Variants in EGFLAM observed in about 807,000 individuals in gnomAD.
The protein encoded by EGFLAM is EGF like, fibronectin type III and laminin G domains.
Under a neutral mutation model 113.1 loss-of-function variants are expected in EGFLAM, and 79 were observed. That is an observed-to-expected ratio of 0.70 (90% CI 0.58 to 0.84). The LOEUF (loss-of-function observed/expected upper bound fraction) is 0.84, where lower values mean the gene tolerates loss of function less well. Ranked by LOEUF, EGFLAM falls within the 40% of genes least tolerant of loss-of-function variation. The probability of loss-of-function intolerance (pLI) is 0.00; values close to 1 mark genes in which losing one functional copy is unlikely to be tolerated. For missense variants in EGFLAM, 1,265 were observed against 1,291.6 expected, an observed-to-expected ratio of 0.98 and a Z score of 0.32; for synonymous variants, 504 against 487.6, an observed-to-expected ratio of 1.03 and a Z score of -0.44.
chr5:38,407,841 C>A lies in EGFLAM; in HGVS notation c.1184C>A (p.Ser395Tyr). The change falls in exon 9 of 22, where the codon TCC becomes TAC. Residue 395 changes from serine (S) to tyrosine (Y), a missense_variant. Coordinates refer to ENST00000322350, the MANE Select transcript of EGFLAM (RefSeq NM_152403.4). ...VIQYPQFFGH[S>Y]YVTFEPLKNS... ...CAGTATCCTCAGTTCTTTGGCCACTCCTATGTAACGTTTGAACCTCTGAAG... is the reference window on the plus strand; with the variant it reads ...CAGTATCCTCAGTTCTTTGGCCACTACTATGTAACGTTTGAACCTCTGAAG... 1 of 1,613,800 alleles carries A rather than the reference C, an allele frequency of 6.2e-7. No homozygotes were observed. Among genetic ancestry groups the A allele is most frequent in the Non-Finnish European group, 8.5e-7 (1 of 1,179,756 alleles).
chr5:38,324,707 G>A (rs1268797213), intron 1 of EGFLAM, among the ~76,000 whole-genome samples: 2 of 152,188 alleles, frequency 1.3e-5, no homozygotes, highest in African/African-American at 4.8e-5. Flanking sequence ...AAAAGAGGCT[G>A]CAGAAGCTGT....
intron 17 of EGFLAM, among the ~76,000 whole-genome samples, chr5:38,441,027 T>C (rs1006665930): frequency 6.6e-6 from 1 of 152,162 alleles, no homozygotes; most frequent in Non-Finnish European, 1.5e-5. Flanking sequence ...TTCCAGGCAC[T>C]TGGACTACAT....
intron 1 of EGFLAM, among the ~76,000 whole-genome samples, chr5:38,259,154 T>C (rs925468406): frequency 2.0e-5 from 3 of 152,236 alleles, no homozygotes; most frequent in Admixed American, 6.5e-5. Flanking sequence ...GCTGTCTCAA[T>C]TACAGAGGAT....
intron 1 of EGFLAM, among the ~76,000 whole-genome samples, chr5:38,301,038 T>C (rs1424379063): frequency 1.3e-5 from 2 of 151,970 alleles, no homozygotes; most frequent in African/African-American, 2.4e-5. Context: ...GTCTTGGAGG[T>C]GTTGTTACAT....
At chr5:38,438,566 G>C (rs886286957) in intron 17 of EGFLAM, 111 bp downstream of exon 17, 1 of 1,078,090 alleles carries the variant, frequency 9.3e-7, no homozygotes. Flanking sequence ...TACAACCATA[G>C]TGGTTATTTT....
chr5:38,463,888 G>A lies in EGFLAM; in HGVS notation c.2932G>A (p.Gly978Ser). 6.2e-7 allele frequency: 1 copy of A among 1,614,216 alleles called. No individual in the cohort carries two copies. The highest frequency in any genetic ancestry group is 8.5e-7 in the Non-Finnish European group (1 of 1,180,040). ...TNRQYMRGLV[G>S]CISHFTLSTD... ...CAGGCAATATATGAGAGGGCTCGTGGGCTGTATCTCTCACTTCACCCTGTC... is the reference window on the plus strand; with the variant it reads ...CAGGCAATATATGAGAGGGCTCGTGAGCTGTATCTCTCACTTCACCCTGTC... The change falls in exon 22 of 22, where the codon GGC (glycine) becomes AGC (serine). Residue 978 changes from glycine to serine, a missense_variant. Gly to Ser is a moderately conservative substitution (Grantham distance 56). Transcript: ENST00000322350.
intron 17 of EGFLAM, 64 bp downstream of exon 17, chr5:38,438,519 G>A (rs1742433830): frequency 7.0e-7 from 1 of 1,436,228 alleles, no homozygotes; most frequent in Admixed American, 2.6e-5. Context: ...AGCCAATTGG[G>A]GGACCACAAC....
Position 38,451,166 on chromosome 5 carries a change from G to T in EGFLAM, c.2544-149G>T. 3 of 1,042,122 alleles carry T rather than the reference G, an allele frequency of 2.9e-6. No individual in the cohort carries two copies. The South Asian group carries it at 4.5e-5, about 16-fold the overall frequency. 64.6% of individuals were successfully genotyped at this position (1,042,122 alleles called of 1,614,324 possible). A position where few individuals can be genotyped will look rare whatever the true frequency, so the allele number is the denominator to read the frequency against. On this transcript the variant is annotated intron_variant, in intron 18 of 21. Coordinates refer to ENST00000322350, the MANE Select transcript of EGFLAM (RefSeq NM_152403.4). The stretch of plus-strand genomic sequence containing the variant: ...GTGAGCAGTCCAGACCTTTAGACCC[G>T]TGGTGCGACTCGTGGTAATGAAGTA...
At chr5:38,264,013 C>G (rs186378138) in intron 1 of EGFLAM, among the ~76,000 whole-genome samples, 174 of 152,288 alleles carry the variant, frequency 1.1e-3, no homozygotes, top group African/African-American at 3.9e-3. Flanking sequence ...GTTTGTCTCT[C>G]TACAAGGTTC....
intron 1 of EGFLAM, among the ~76,000 whole-genome samples, chr5:38,306,695 A>G (rs1474497638): frequency 6.6e-6 from 1 of 152,196 alleles, no homozygotes; most frequent in Non-Finnish European, 1.5e-5. Flanking sequence ...CCAATGTATG[A>G]TGCCTCCTGT....
chr5:38,281,411 A>G (rs895757276), intron 1 of EGFLAM, among the ~76,000 whole-genome samples: 5 of 152,214 alleles, frequency 3.3e-5, no homozygotes, highest in African/African-American at 1.2e-4. Context: ...TTTTTAATGT[A>G]GAGCTATCCA....
At chr5:38,445,201 A>T (rs904706656) in intron 17 of EGFLAM, among the ~76,000 whole-genome samples, 2 of 152,056 alleles carry the variant, frequency 1.3e-5, no homozygotes, top group African/African-American at 4.8e-5. Flanking sequence ...AATGAGGGCG[A>T]TATTTTCCAC....
intron 1 of EGFLAM, among the ~76,000 whole-genome samples, chr5:38,310,455 A>C (rs1223722992): frequency 1.3e-5 from 2 of 152,166 alleles, no homozygotes; most frequent in Non-Finnish European, 2.9e-5. Flanking sequence ...TGTGTGACAC[A>C]GGGAGGGCTC....
intron 18 of EGFLAM, among the ~76,000 whole-genome samples, chr5:38,448,838 C>T (rs149668235): frequency 8.7e-4 from 133 of 152,324 alleles, no homozygotes; most frequent in Middle Eastern, 3.4e-3. Context: ...AGCCCATTCC[C>T]TGCTGAGTCC....
In EGFLAM at chr5:38,458,362, C is replaced by T. The variant is rs35230295; in HGVS notation, c.2739C>T (p.Asn913=). 2.2e-3 allele frequency: 3,555 copies of T among 1,614,066 alleles called. 64 individuals are homozygous for T. The African/African-American group carries it at 0.041, about 19-fold the overall frequency. ...CCATCATGGTGAATGGCTCCTTCAA[C>T]GATGGTCGGTGGCACCGAGTTAAGG... is the stretch of plus-strand genomic sequence containing the variant. ...VASIMVNGSF[N]DGRWHRVKAV... Residue 913 remains asparagine, a synonymous_variant, in exon 20 of 22, where the codon AAC becomes AAT. Coordinates refer to ENST00000322350, the MANE Select transcript of EGFLAM (RefSeq NM_152403.4).
intron 1 of EGFLAM, among the ~76,000 whole-genome samples, chr5:38,324,509 G>T (rs973734680): frequency 1.3e-5 from 2 of 152,094 alleles, no homozygotes; most frequent in Non-Finnish European, 2.9e-5. Flanking sequence ...TACACAAATA[G>T]AAAAATGCTG....
At chr5:38,463,701 C>A (rs75345030) in intron 21 of EGFLAM, 131 bp from the exon 22 acceptor site, 12,762 of 1,060,228 alleles carry the variant, frequency 0.012, 99 homozygotes, top group Non-Finnish European at 0.015. Flanking sequence ...GGGCCCACAG[C>A]CCTCACATGT....
chr5:38,458,219 A>C, intron 19 of EGFLAM, 92 bp from the exon 20 acceptor site: 5 of 1,179,332 alleles, frequency 4.2e-6, no homozygotes, highest in Non-Finnish European at 5.8e-6. Flanking sequence ...AGTTGCAAAG[A>C]ACTTTTGCCC....
intron 6 of EGFLAM, chr5:38,403,882 A>T (rs764738644): frequency 6.8e-6 from 11 of 1,613,948 alleles, no homozygotes; most frequent in Non-Finnish European, 8.5e-6. Flanking sequence ...TTGAGAGAAC[A>T]TGCATCCAGG....
Sources: gnomAD v4.1 joint callset for allele counts (sites outside exome capture counted in the v4.1 genomes callset) on GRCh38, gnomAD v4.1.1 for gene constraint, MANE v1.5 for transcripts, NCBI Gene and HGNC (gene_info 2026-07-23, HGNC 2026-07-21) for gene names.